Variants in TYW1 observed in about 807,000 individuals in gnomAD.
TYW1 encodes the protein S-adenosyl-L-methionine-dependent tRNA 4-demethylwyosine synthase TYW1.
TYW1 carries 46 observed loss-of-function variants against 96.2 expected under a neutral mutation model. The observed-to-expected ratio is 0.48, with a 90% CI of 0.38 to 0.61. TYW1 has a LOEUF of 0.61. Among genes scored for constraint, TYW1 ranks in the 20% least tolerant of loss-of-function variants. The pLI is 0.00. For synonymous variants in TYW1, 274 were observed against 323.0 expected (o/e 0.85, Z 1.63); for missense variants, 684 against 909.6 (o/e 0.75, Z 3.19).
At chr7:67,033,379 A>G (rs1425224417) in intron 7 of TYW1, among the ~76,000 whole-genome samples, 3 of 152,170 alleles carry the variant, frequency 2.0e-5, no homozygotes, top group Non-Finnish European at 2.9e-5. Context: ...GGACAGGCCA[A>G]TTCCTACCCA....
intron 13 of TYW1, among the ~76,000 whole-genome samples, chr7:67,167,532 G>A (rs1799379176): frequency 1.4e-5 from 2 of 144,254 alleles, no homozygotes; most frequent in South Asian, 4.3e-4. Flanking sequence ...TAATTTCCTA[G>A]ACATTGTGTT....
chr7:67,085,471 G>A (rs1431746790), intron 11 of TYW1, among the ~76,000 whole-genome samples: 5 of 152,188 alleles, frequency 3.3e-5, no homozygotes, highest in East Asian at 1.9e-4. Flanking sequence ...TTTGCCTTCC[G>A]CTGTGATTGT....
intron 4 of TYW1, among the ~76,000 whole-genome samples, chr7:67,013,381 C>A (rs543858226): frequency 9.9e-5 from 15 of 152,238 alleles, no homozygotes; most frequent in African/African-American, 3.6e-4. Context: ...CCTCAACCTC[C>A]CAAAGTCCTG....
chr7:67,071,666 G>T (rs1796035042), intron 10 of TYW1, among the ~76,000 whole-genome samples: 1 of 151,732 alleles, frequency 6.6e-6, no homozygotes. Flanking sequence ...TGTCACCCAG[G>T]CTGGAGTGCA....
chr7:67,002,790 G>A (rs183799511), intron 3 of TYW1, among the ~76,000 whole-genome samples: 10 of 149,646 alleles, frequency 6.7e-5, no homozygotes, highest in East Asian at 5.9e-4. Flanking sequence ...CTTTTGGATC[G>A]TCTTCTGTGT....
chr7:67,123,594 C>T (rs115391454), intron 13 of TYW1, among the ~76,000 whole-genome samples: 5,118 of 152,206 alleles, frequency 0.034, 256 homozygotes, highest in African/African-American at 0.12. Flanking sequence ...GAAGGAATAC[C>T]AGGTGTAGAT....
At chr7:67,091,599 T>TC (rs1301218618) in intron 11 of TYW1, among the ~76,000 whole-genome samples, 1 of 152,220 alleles carries the variant, frequency 6.6e-6, no homozygotes, top group East Asian at 1.9e-4. Context: ...TGTTTCAATT[T>TC]CTGTCATATT....
intron 13 of TYW1, among the ~76,000 whole-genome samples, chr7:67,141,640 T>C (rs1310346236): frequency 6.6e-6 from 1 of 152,252 alleles, no homozygotes; most frequent in Non-Finnish European, 1.5e-5. Context: ...GGCACCATAC[T>C]ATAATAGCTA....
chr7:67,196,720 G>A (rs1800406893), intron 15 of TYW1, among the ~76,000 whole-genome samples: 1 of 151,712 alleles, frequency 6.6e-6, no homozygotes, highest in African/African-American at 2.4e-5. Context: ...AGTATTCAAA[G>A]GAACATTTAA....
In TYW1 at chr7:67,228,099, G is replaced by A. The variant is rs968484630; in HGVS notation, c.1978-10209G>A. ...CTCTGTTTTCTGGGGTGATTGTGAC[G>A]GCTAAATGAAGTGAAGTATAAAAAG... On this transcript the variant is annotated intron_variant, in intron 15 of 15. Coordinates refer to ENST00000359626, the MANE Select transcript of TYW1 (RefSeq NM_018264.4). Among the ~76,000 whole-genome samples, 65 of 152,200 alleles carry A rather than the reference G, an allele frequency of 4.3e-4. 1 individual carries two copies. The highest frequency in any genetic ancestry group is 3.6e-3 in the Admixed American group (55 of 15,282).
chr7:67,083,530 C>G lies in TYW1; in HGVS notation c.1375C>G (p.Gln459Glu), dbSNP rs748273893. 6.2e-7 allele frequency: 1 copy of G among 1,614,092 alleles called. No homozygotes were observed. The highest frequency in any genetic ancestry group is 1.1e-5 in the South Asian group (1 of 91,082). The change falls in exon 11 of 16, where the codon CAG becomes GAG. Residue 459 changes from glutamine (Q) to glutamate (E), a missense_variant. Transcript: ENST00000359626. ...TGAAAACCATCAGAACATGATTAAG[C>G]AGTTTAAAGGTATTTATCTTCCCTC... is the stretch of plus-strand genomic sequence containing the variant. Reference protein sequence around the residue: ...AIENHQNMIKQFKGVPGVKAE... With the variant: ...AIENHQNMIKEFKGVPGVKAE...
At chr7:67,203,208 T>C (rs1254205406) in intron 15 of TYW1, among the ~76,000 whole-genome samples, 3 of 152,254 alleles carry the variant, frequency 2.0e-5, no homozygotes, top group Non-Finnish European at 4.4e-5. Context: ...AAGAAGGATA[T>C]ATAAACAGAA....
intron 13 of TYW1, among the ~76,000 whole-genome samples, chr7:67,132,444 A>G (rs1178841497): frequency 6.6e-6 from 1 of 152,206 alleles, no homozygotes; most frequent in Non-Finnish European, 1.5e-5. Flanking sequence ...TCTTATGTAT[A>G]ACTCCATAAG....
Position 67,017,956 on chromosome 7 carries a change from T to C in TYW1, c.674T>C (p.Ile225Thr). The change falls in exon 6 of 16, where the codon ATT becomes ACT. Residue 225 changes from isoleucine to threonine, a missense_variant. Coordinates refer to ENST00000359626, the MANE Select transcript of TYW1 (RefSeq NM_018264.4). The stretch of plus-strand genomic sequence containing the variant: ...GTGGTTAAAAGCAAGCACGGCAGCA[T>C]TGAGGCCGACTTCAGAGCATGGAAG... ...CDVVKSKHGS[I>T]EADFRAWKTK... The C allele has an allele frequency of 1.5e-5, 24 of 1,614,104 alleles. No homozygotes were observed. The highest frequency in any genetic ancestry group is 1.9e-5 in the Non-Finnish European group (23 of 1,180,022).
intron 13 of TYW1, among the ~76,000 whole-genome samples, chr7:67,151,061 T>TTTC (rs1798783957): frequency 6.6e-6 from 1 of 151,826 alleles, no homozygotes; most frequent in African/African-American, 2.4e-5. Context: ...CTTTTTTTTT[T>TTTC]TTTTTTGGAG....
At chr7:67,215,745 A>C (rs1245109492) in intron 15 of TYW1, among the ~76,000 whole-genome samples, 3 of 152,116 alleles carry the variant, frequency 2.0e-5, no homozygotes, top group African/African-American at 7.2e-5. Flanking sequence ...AAGGAGAGCC[A>C]GTATGAGTCC....
At chr7:67,149,565 G>A (rs1389551356) in intron 13 of TYW1, among the ~76,000 whole-genome samples, 2 of 139,308 alleles carry the variant, frequency 1.4e-5, no homozygotes, top group Non-Finnish European at 3.1e-5. Context: ...TCCACACACT[G>A]GGGGAAAAAA....
intron 13 of TYW1, among the ~76,000 whole-genome samples, chr7:67,149,169 G>GA (rs1380531422): frequency 3.9e-5 from 6 of 152,160 alleles, no homozygotes; most frequent in African/African-American, 1.4e-4. Flanking sequence ...GATTAGAGCT[G>GA]AACCTTTTTA....
chr7:67,195,198 C>T lies in TYW1; in HGVS notation c.1838C>T (p.Ala613Val), dbSNP rs1461822866. 1 of 1,613,918 alleles carries T rather than the reference C, an allele frequency of 6.2e-7. No homozygotes were observed. The highest frequency in any genetic ancestry group is 8.5e-7 in the Non-Finnish European group (1 of 1,179,984). Reference protein sequence around the residue: ...KGVTYCGESSASSLTMAHVPW... With the variant: ...KGVTYCGESSVSSLTMAHVPW... ...GTTACCTACTGCGGAGAAAGTTCAGCAAGCAGTCTTACCATGGCCCACGTG... is the reference window on the plus strand; with the variant it reads ...GTTACCTACTGCGGAGAAAGTTCAGTAAGCAGTCTTACCATGGCCCACGTG... Residue 613 changes from alanine to valine, a missense_variant, in exon 15 of 16, where the codon GCA becomes GTA. Coordinates refer to ENST00000359626, the MANE Select transcript of TYW1 (RefSeq NM_018264.4).
Sources: allele counts gnomAD v4.1 joint callset (sites outside exome capture counted in the v4.1 genomes callset), GRCh38; gene constraint gnomAD v4.1.1; transcripts MANE v1.5; gene names NCBI Gene and HGNC (gene_info 2026-07-23, HGNC 2026-07-21).